The following MCTP2 variants were observed in gnomAD, a reference collection of about 807,000 sequenced individuals.
The protein encoded by MCTP2 is multiple C2 and transmembrane domain-containing protein 2.
Under a neutral mutation model 111.6 loss-of-function variants are expected in MCTP2, and 132 were observed. That is an observed-to-expected ratio of 1.18 (90% confidence interval 1.03 to 1.37). The LOEUF is 1.37. Among genes scored for constraint, MCTP2 ranks in the 40% most tolerant of loss-of-function variants. The probability of loss-of-function intolerance (pLI) is 0.00; values close to 1 mark genes in which losing one functional copy is unlikely to be tolerated. For synonymous variants in MCTP2, 395 were observed against 387.7 expected (o/e 1.02, Z -0.22); for missense variants, 1,183 against 1,067.9 (o/e 1.11, Z -1.50).
chr15:94,478,188 A>G (rs931119865), intron 22 of MCTP2, among the ~76,000 whole-genome samples: 6 of 152,242 alleles, frequency 3.9e-5, no homozygotes, highest in African/African-American at 9.6e-5. Context: ...GTGTGAGTTC[A>G]CACTGTATCC....
intron 1 of MCTP2, among the ~76,000 whole-genome samples, chr15:94,248,786 G>A (rs892646083): frequency 1.3e-5 from 2 of 152,202 alleles, no homozygotes; most frequent in Admixed American, 1.3e-4. Flanking sequence ...AGGTGCAAGT[G>A]TCTTAATCAA....
Position 94,464,250 on chromosome 15 carries a change from ATATATAT to A in MCTP2, c.2360+6012_2360+6018del, listed in dbSNP as rs1461556206. ...ATGTTTATATATATAATATATATAT[ATATATAT>A]TATATATATATATATATATATAAAC... On this transcript the variant is annotated intron_variant, in intron 20 of 22. Coordinates refer to ENST00000357742, the MANE Select transcript of MCTP2 (RefSeq NM_001385001.1). 1.2e-3 allele frequency among the ~76,000 whole-genome samples: 52 copies of A among 44,224 alleles called. 2 individuals carry two copies. Among genetic ancestry groups the A allele is most frequent in the African/African-American group, 4.3e-3 (51 of 11,964 alleles). The allele number at this position is 44,224 out of a possible 152,430, so 29.0% of individuals were successfully genotyped here.
At chr15:94,403,385 T>G in intron 17 of MCTP2, 1 of 290,220 alleles carries the variant, frequency 3.4e-6, no homozygotes, top group East Asian at 1.7e-4. Context: ...CCGAATTCCC[T>G]TTCAAAACTT....
Position 94,298,762 on chromosome 15 carries a change from G to GTC in MCTP2, c.465+50_465+51dup, listed in dbSNP as rs752096854. The stretch of plus-strand genomic sequence containing the variant: ...ATAGGGCTGGGCTCTCTTTTTTTTT[G>GTC]TCTCTCTCTCTCTCTCTCTTTCCCT... On this transcript the variant is annotated intron_variant, in intron 2 of 22. Transcript: ENST00000357742. 3.0e-3 allele frequency: 3,792 copies of GTC among 1,274,818 alleles called. 56 individuals carry two copies. In the African/African-American group the frequency reaches 0.042, roughly 14 times the overall value. The allele number at this position is 1,274,818 out of a possible 1,614,324, so 79.0% of individuals were successfully genotyped here.
intron 1 of MCTP2, among the ~76,000 whole-genome samples, chr15:94,243,058 C>CATACACGTGTATATGTGTATCTACACAT (rs1567249287): frequency 2.3e-5 from 1 of 43,306 alleles, no homozygotes; most frequent in East Asian, 4.8e-4. Flanking sequence ...TGTATCTACA[C>CATACACGTGTATATGTGTATCTACACAT]ATACACGTGT....
chr15:94,478,819 C>T (rs1286780377), intron 22 of MCTP2, 147 bp from the exon 23 acceptor site: 1 of 642,180 alleles, frequency 1.6e-6, no homozygotes, highest in Non-Finnish European at 2.8e-6. Flanking sequence ...TGCAATTAAT[C>T]CCTCCATGTT....
intron 8 of MCTP2, among the ~76,000 whole-genome samples, chr15:94,351,612 T>C (rs1301802886): frequency 6.6e-6 from 1 of 152,212 alleles, no homozygotes; most frequent in Non-Finnish European, 1.5e-5. Flanking sequence ...AACACTGATA[T>C]GTTTATCCTT....
intron 20 of MCTP2, among the ~76,000 whole-genome samples, chr15:94,466,546 C>T (rs967590091): frequency 1.1e-4 from 16 of 152,146 alleles, no homozygotes; most frequent in African/African-American, 3.6e-4. Context: ...CAATGTGTCC[C>T]TCCTTCCTTA....
chr15:94,426,757 C>G (rs1303262532), intron 17 of MCTP2, among the ~76,000 whole-genome samples: 1 of 152,010 alleles, frequency 6.6e-6, no homozygotes, highest in Non-Finnish European at 1.5e-5. Context: ...GGGGCATGGA[C>G]TATGTTATCT....
At chr15:94,321,525 T>C (rs568878769) in intron 4 of MCTP2, among the ~76,000 whole-genome samples, 43 of 152,316 alleles carry the variant, frequency 2.8e-4, no homozygotes, top group African/African-American at 9.6e-4. Flanking sequence ...ATAATGCAAG[T>C]TGGCCATGTT....
At chr15:94,312,298 G>C (rs1253013771) in intron 2 of MCTP2, among the ~76,000 whole-genome samples, 1 of 152,230 alleles carries the variant, frequency 6.6e-6, no homozygotes, top group Non-Finnish European at 1.5e-5. Flanking sequence ...AATTCAGTAA[G>C]TTGAATAAGG....
chr15:94,337,181 TTAACGCGGCAC>T (rs2077405038), intron 4 of MCTP2, among the ~76,000 whole-genome samples: 1 of 152,132 alleles, frequency 6.6e-6, no homozygotes, highest in South Asian at 2.1e-4. Flanking sequence ...TCCCTAACAA[TTAACGCGGCAC>T]TAACTTGACA....
intron 17 of MCTP2, among the ~76,000 whole-genome samples, chr15:94,418,072 G>A (rs906330400): frequency 2.6e-5 from 4 of 151,984 alleles, no homozygotes; most frequent in African/African-American, 9.7e-5. Flanking sequence ...TTCTGTGTTC[G>A]TTCTGATCTA....
chr15:94,259,474 A>G (rs2073049554), intron 1 of MCTP2, among the ~76,000 whole-genome samples: 1 of 152,212 alleles, frequency 6.6e-6, no homozygotes, highest in African/African-American at 2.4e-5. Flanking sequence ...TTTTGTTTGT[A>G]AGAATCCTTA....
intron 10 of MCTP2, among the ~76,000 whole-genome samples, chr15:94,361,095 T>C (rs1189493523): frequency 7.3e-6 from 1 of 136,448 alleles, no homozygotes; most frequent in Non-Finnish European, 1.6e-5. Flanking sequence ...TTTTTTTTTT[T>C]TTTTTTTTTT....
upstream of MCTP2, chr15:94,231,529 GC>G (rs1417362341): frequency 6.6e-6 from 1 of 152,302 alleles, no homozygotes; most frequent in Non-Finnish European, 1.5e-5. Context: ...AAGTCCGGGG[GC>G]CCTCGGTGAT....
intron 8 of MCTP2, among the ~76,000 whole-genome samples, chr15:94,346,373 A>G (rs1293102177): frequency 6.6e-6 from 1 of 152,196 alleles, no homozygotes. Context: ...TAAAATTAAT[A>G]TTCAAGAAAT....
intron 4 of MCTP2, among the ~76,000 whole-genome samples, chr15:94,337,596 A>G (rs2077424354): frequency 6.6e-6 from 1 of 150,478 alleles, no homozygotes; most frequent in Non-Finnish European, 1.5e-5. Flanking sequence ...TACTCTCACT[A>G]GTGAGCATTT....
At chr15:94,349,199 C>G (rs1035607165) in intron 8 of MCTP2, among the ~76,000 whole-genome samples, 27 of 152,116 alleles carry the variant, frequency 1.8e-4, no homozygotes, top group African/African-American at 6.5e-4. Context: ...GGCTTTCCTC[C>G]TCCCTGGAAG....
Sources: gnomAD v4.1 joint callset for allele counts (sites outside exome capture counted in the v4.1 genomes callset) on GRCh38, gnomAD v4.1.1 for gene constraint, MANE v1.5 for transcripts, NCBI Gene and HGNC (gene_info 2026-07-23, HGNC 2026-07-21) for gene names.